PCDHGA1: variants seen among roughly 807,000 people sequenced by gnomAD.
The protein encoded by PCDHGA1 is protocadherin gamma subfamily A, 1, also known as protocadherin gamma-A1.
A neutral mutation model predicts 58.0 loss-of-function variants in PCDHGA1; 32 were observed. That is an observed-to-expected ratio of 0.55 (90% CI 0.42 to 0.74). The LOEUF (loss-of-function observed/expected upper bound fraction) is 0.74. Among genes scored for constraint, PCDHGA1 ranks in the 30% least tolerant of loss-of-function variants. The probability of loss-of-function intolerance (pLI) is 0.00; values close to 1 mark genes in which losing one functional copy is unlikely to be tolerated. For synonymous variants in PCDHGA1, 498 were observed against 501.1 expected, an observed-to-expected ratio of 0.99 and a Z score of 0.08; for missense variants, 1,205 against 1,182.3, an observed-to-expected ratio of 1.02 and a Z score of -0.28.
intron 1 of PCDHGA1, chr5:141,478,917 T>A: frequency 1.3e-6 from 1 of 772,666 alleles, no homozygotes; most frequent in Middle Eastern, 3.9e-4. Flanking sequence ...TGGATACCTC[T>A]AACCAGTGGC....
intron 1 of PCDHGA1, among the ~76,000 whole-genome samples, chr5:141,363,558 AAT>A (rs1421241978): frequency 8.5e-5 from 13 of 152,396 alleles, no homozygotes; most frequent in Non-Finnish European, 1.9e-4. Flanking sequence ...TGAACATGGT[AAT>A]AGAAAAACAT....
chr5:141,416,053 A>T (rs2095987443), intron 1 of PCDHGA1: 1 of 181,266 alleles, frequency 5.5e-6, no homozygotes, highest in South Asian at 1.8e-4. Flanking sequence ...CACAACCCAA[A>T]TCCAAGAATA....
chr5:141,492,026 G>A, intron 1 of PCDHGA1: 1 of 567,198 alleles, frequency 1.8e-6, no homozygotes, highest in South Asian at 2.9e-5. Flanking sequence ...GGGGTCCCGG[G>A]AGGAGGCAGT....
Position 141,403,914 on chromosome 5 carries a change from C to A in PCDHGA1, c.2421+70809C>A, listed in dbSNP as rs748975395. The A allele has an allele frequency of 1.3e-5, 21 of 1,613,662 alleles. No homozygotes were observed. Among genetic ancestry groups the A allele is most frequent in the South Asian group, 2.2e-5 (2 of 91,064 alleles). On this transcript the variant is annotated intron_variant, in intron 1 of 3. Coordinates refer to ENST00000517417, the MANE Select transcript of PCDHGA1 (RefSeq NM_018912.3). ...TCATTTTATGAAATGGAAATACAAG[C>A]TGAAGATGGTGGGGGATTGAAAGGG...
In PCDHGA1 at chr5:141,491,419, G is replaced by A. The variant is rs1422517367; in HGVS notation, c.2422-3388G>A. On this transcript the variant is annotated intron_variant, in intron 1 of 3. Coordinates refer to ENST00000517417, the MANE Select transcript of PCDHGA1 (RefSeq NM_018912.3). This position sits in a 1 kb window ranked among gnomAD's most constrained non-coding sequence, Gnocchi z 6.9. ...GGGAAACGCAGACGGGGACGGGGGT[G>A]GAGGGCAGTGCTGCAGGCGCCAGGA... 1 of 1,614,124 alleles carries A rather than the reference G, an allele frequency of 6.2e-7. No individual in the cohort carries two copies.
intron 1 of PCDHGA1, chr5:141,405,392 T>C: frequency 6.3e-7 from 1 of 1,596,104 alleles, no homozygotes; most frequent in Non-Finnish European, 8.5e-7. Flanking sequence ...TTCATTTTTT[T>C]TCTTTCTTTC....
Position 141,491,547 on chromosome 5 carries a change from G to A in PCDHGA1, c.2422-3260G>A. On this transcript the variant is annotated intron_variant, in intron 1 of 3. Transcript: ENST00000517417. This position sits in a 1 kb window ranked among gnomAD's most constrained non-coding sequence, Gnocchi z 6.9. ...AGGTGACGCTGCGGCCCACAGACTC[G>A]CAGAGCCACTGCTACAGGACGTGCT... is the stretch of plus-strand genomic sequence containing the variant. The A allele has an allele frequency of 4.3e-6, 7 of 1,613,974 alleles. No individual in the cohort carries two copies. The highest frequency in any genetic ancestry group is 5.9e-6 in the Non-Finnish European group (7 of 1,180,022).
intron 1 of PCDHGA1, among the ~76,000 whole-genome samples, chr5:141,455,137 G>A (rs892739175): frequency 2.7e-5 from 4 of 150,642 alleles, no homozygotes; most frequent in African/African-American, 9.8e-5. Flanking sequence ...ATTACACTGT[G>A]TTAAATAAAT....
intron 1 of PCDHGA1, among the ~76,000 whole-genome samples, chr5:141,400,819 C>T (rs1316119038): frequency 6.6e-6 from 1 of 152,132 alleles, no homozygotes; most frequent in Non-Finnish European, 1.5e-5. Context: ...TTTACCTATT[C>T]GTTGTCTCAT....
chr5:141,419,604 C>T (rs1279434352), intron 1 of PCDHGA1: 1 of 1,611,850 alleles, frequency 6.2e-7, no homozygotes, highest in East Asian at 2.2e-5. Flanking sequence ...CCGCGGGCCG[C>T]GCAGCCAGGC....
At chr5:141,488,273 C>A (rs1411817846) in intron 1 of PCDHGA1, among the ~76,000 whole-genome samples, 6 of 152,256 alleles carry the variant, frequency 3.9e-5, no homozygotes, top group East Asian at 1.9e-4. Flanking sequence ...TTGGTCATCA[C>A]CTTTGGAAAA....
intron 1 of PCDHGA1, among the ~76,000 whole-genome samples, chr5:141,401,931 A>C: frequency 6.6e-6 from 1 of 152,352 alleles, no homozygotes; most frequent in Middle Eastern, 3.4e-3. Context: ...GATGCTTAGA[A>C]TAATGTTTAA....
intron 1 of PCDHGA1, chr5:141,376,397 C>T (rs761002002): frequency 6.8e-6 from 11 of 1,614,110 alleles, no homozygotes; most frequent in South Asian, 3.3e-5. Flanking sequence ...GATTTTCCCC[C>T]AGCCCAACTA....
chr5:141,413,725 C>A, intron 1 of PCDHGA1: 1 of 1,613,546 alleles, frequency 6.2e-7, no homozygotes, highest in Non-Finnish European at 8.5e-7. Flanking sequence ...GCACTTCTCC[C>A]TAAGAGTTCA....
At chr5:141,510,906 C>G in intron 3 of PCDHGA1, 41 bp from the exon 4 acceptor site, 1 of 1,613,582 alleles carries the variant, frequency 6.2e-7, no homozygotes, top group Non-Finnish European at 8.5e-7. Context: ...TGTTGAGGAC[C>G]CTAAGTTTAG....
intron 1 of PCDHGA1, chr5:141,410,847 G>GTA: frequency 1.9e-5 from 3 of 158,244 alleles, no homozygotes; most frequent in East Asian, 1.3e-4. Flanking sequence ...TTTTGTCTTT[G>GTA]TCTTTTTTTT....
chr5:141,423,174 C>T (rs1203454000), intron 1 of PCDHGA1: 1 of 1,613,484 alleles, frequency 6.2e-7, no homozygotes, highest in South Asian at 1.1e-5. Flanking sequence ...CCGTCCAGGA[C>T]CACGGCCAGC....
At chr5:141,448,862 G>A (rs1406203589) in intron 1 of PCDHGA1, among the ~76,000 whole-genome samples, 2 of 151,996 alleles carry the variant, frequency 1.3e-5, no homozygotes, top group African/African-American at 2.4e-5. Context: ...GGAGAATGGC[G>A]TGAACCTGGG....
chr5:141,340,783 G>A, intron 1 of PCDHGA1: 1 of 1,613,896 alleles, frequency 6.2e-7, no homozygotes. Context: ...ACGCCTGGCT[G>A]TCTTACCACC....
Sources: allele counts gnomAD v4.1 joint callset (sites outside exome capture counted in the v4.1 genomes callset), GRCh38; gene constraint gnomAD v4.1.1; non-coding constraint Gnocchi (gnomAD v3.1); transcripts MANE v1.5; gene names NCBI Gene and HGNC (gene_info 2026-07-23, HGNC 2026-07-21).